ESRRG: variants seen among roughly 807,000 people sequenced by gnomAD.
ESRRG encodes the protein estrogen related receptor gamma, also known as estrogen-related receptor gamma.
Under a neutral mutation model 44.0 loss-of-function variants are expected in ESRRG, and 13 were observed. That is an observed-to-expected ratio of 0.30 (90% CI 0.19 to 0.47). The LOEUF (loss-of-function observed/expected upper bound fraction) is 0.47. Ranked by LOEUF, ESRRG falls within the 20% of genes least tolerant of loss-of-function variation. ESRRG has a pLI of 1.00. For missense variants in ESRRG, 395 were observed against 580.6 expected, an observed-to-expected ratio of 0.68 and a Z score of 3.29; for synonymous variants, 215 against 214.6, an observed-to-expected ratio of 1.00 and a Z score of -0.02.
intron 3 of ESRRG, among the ~76,000 whole-genome samples, chr1:216,573,391 T>C (rs1039074488): frequency 6.6e-6 from 1 of 152,118 alleles, no homozygotes; most frequent in Non-Finnish European, 1.5e-5. Flanking sequence ...AAATATAAGA[T>C]GGATGTAAAG....
At chr1:216,663,348 A>C (rs775929918) in intron 2 of ESRRG, among the ~76,000 whole-genome samples, 11 of 152,164 alleles carry the variant, frequency 7.2e-5, no homozygotes, top group Non-Finnish European at 1.5e-4. Flanking sequence ...TCAAATGGAA[A>C]CTGTAAATAG....
At chr1:216,975,247 T>G (rs553601162) in intron 1 of ESRRG, among the ~76,000 whole-genome samples, 1 of 152,216 alleles carries the variant, frequency 6.6e-6, no homozygotes, top group Non-Finnish European at 1.5e-5. Context: ...CAACCATTGT[T>G]CTATTTCACA....
intron 2 of ESRRG, among the ~76,000 whole-genome samples, chr1:216,676,184 A>AAT (rs2151477314): frequency 6.6e-6 from 1 of 152,290 alleles, no homozygotes; most frequent in African/African-American, 2.4e-5. Flanking sequence ...TTTTTGCCAG[A>AAT]ATATATATCT....
At chr1:216,524,701 C>G (rs2149007880) in intron 5 of ESRRG, among the ~76,000 whole-genome samples, 1 of 152,176 alleles carries the variant, frequency 6.6e-6, no homozygotes, top group South Asian at 2.1e-4. Flanking sequence ...AATTAGGTTT[C>G]ACATTGATTT....
chr1:216,743,637 C>T (rs929006303), intron 2 of ESRRG, among the ~76,000 whole-genome samples: 3 of 150,730 alleles, frequency 2.0e-5, no homozygotes, highest in Non-Finnish European at 3.0e-5. Flanking sequence ...CTCACCATTG[C>T]CATCATCTTC....
intron 1 of ESRRG, among the ~76,000 whole-genome samples, chr1:216,991,312 GCT>G (rs549783902): frequency 5.3e-5 from 8 of 152,062 alleles, no homozygotes; most frequent in Non-Finnish European, 1.0e-4. Flanking sequence ...TAGAATCCTT[GCT>G]CTGATGTCAC....
rs1299129935 is a variant in ESRRG at position 216,745,442 on chromosome 1, C to T, written c.-13-67951G>A. On this transcript the variant is annotated intron_variant, in intron 2 of 7. Coordinates refer to the ESRRG transcript ENST00000359162. ...CTGGCCTCAAGCGATCTTCCTGCCT[C>T]GGCCACTCAAGTTGCTGGGATTACA... is the stretch of plus-strand genomic sequence containing the variant. Among the ~76,000 whole-genome samples, 8 of 152,184 alleles carry T rather than the reference C, an allele frequency of 5.3e-5. No homozygotes were observed. The South Asian group carries it at 8.3e-4, about 16-fold the overall frequency.
At chr1:216,507,297 A>G (rs1314313379) in intron 6 of ESRRG, 114 bp from the exon 7 acceptor site, 1 of 680,446 alleles carries the variant, frequency 1.5e-6, no homozygotes, top group Non-Finnish European at 2.3e-6. Flanking sequence ...TCTGAGCTTG[A>G]ACCTATGATT....
intron 2 of ESRRG, among the ~76,000 whole-genome samples, chr1:216,909,418 G>A (rs1234887966): frequency 3.3e-5 from 5 of 152,090 alleles, no homozygotes; most frequent in Admixed American, 3.3e-4. Flanking sequence ...GTAACACTAG[G>A]CCAGAAAGAA....
At chr1:216,517,743 A>T (rs939143744) in intron 6 of ESRRG, among the ~76,000 whole-genome samples, 9 of 152,078 alleles carry the variant, frequency 5.9e-5, no homozygotes, top group African/African-American at 2.2e-4. Flanking sequence ...TCTTCTGGAG[A>T]GGGAGGGCAG....
intron 1 of ESRRG, among the ~76,000 whole-genome samples, chr1:217,053,925 A>G (rs1032563563): frequency 3.3e-5 from 5 of 152,030 alleles, no homozygotes; most frequent in African/African-American, 9.7e-5. Context: ...ACTACTTTAC[A>G]AGAAAGTCTC....
intron 3 of ESRRG, among the ~76,000 whole-genome samples, chr1:216,629,109 C>G (rs796241090): frequency 1.1e-4 from 16 of 152,274 alleles, no homozygotes; most frequent in African/African-American, 3.6e-4. Flanking sequence ...GTCCTATACC[C>G]CACAGCCAGT....
intron 1 of ESRRG, among the ~76,000 whole-genome samples, chr1:217,084,304 T>C (rs569549210): frequency 2.0e-5 from 3 of 152,310 alleles, no homozygotes; most frequent in Admixed American, 1.3e-4. Context: ...TGTATGGTTA[T>C]AAACTGTAAC....
At chr1:217,122,664 C>CTT (rs10716545) in intron 1 of ESRRG, among the ~76,000 whole-genome samples, 328 of 87,286 alleles carry the variant, frequency 3.8e-3, no homozygotes, top group African/African-American at 4.5e-3. Context: ...GACACACACA[C>CTT]TTTTTTTTTT....
intron 2 of ESRRG, among the ~76,000 whole-genome samples, chr1:216,755,203 G>T (rs1025966096): frequency 4.6e-5 from 7 of 151,604 alleles, no homozygotes; most frequent in Non-Finnish European, 8.8e-5. Context: ...CAGCAAACTG[G>T]TGAATTTTTG....
intron 1 of ESRRG, among the ~76,000 whole-genome samples, chr1:217,102,629 C>T (rs147013288): frequency 2.0e-5 from 3 of 152,168 alleles, no homozygotes; most frequent in Non-Finnish European, 4.4e-5. Flanking sequence ...TTCTGAATAA[C>T]CTTCCCCAAA....
intron 1 of ESRRG, among the ~76,000 whole-genome samples, chr1:217,077,722 T>C (rs2091436586): frequency 1.3e-5 from 2 of 152,212 alleles, no homozygotes; most frequent in Admixed American, 1.3e-4. Flanking sequence ...CAAACTAATA[T>C]GTTTTGAGAG....
intron 3 of ESRRG, among the ~76,000 whole-genome samples, chr1:216,615,042 T>C (rs1296931375): frequency 2.0e-5 from 3 of 152,172 alleles, no homozygotes; most frequent in South Asian, 2.1e-4. Context: ...TTCAAGAGAC[T>C]GATTGAAGAT....
intron 1 of ESRRG, among the ~76,000 whole-genome samples, chr1:217,026,918 G>C (rs759995746): frequency 0.16 from 17,943 of 109,256 alleles, 1,391 homozygotes; most frequent in Middle Eastern, 0.31. Context: ...CACACAGAGA[G>C]AGAGAGAGAG....
Sources: gnomAD v4.1 joint callset for allele counts (sites outside exome capture counted in the v4.1 genomes callset) on GRCh38, gnomAD v4.1.1 for gene constraint, MANE v1.5 for transcripts, NCBI Gene and HGNC (gene_info 2026-07-23, HGNC 2026-07-21) for gene names.